The following DPY19L4 variants were observed in gnomAD, a reference collection of about 807,000 sequenced individuals.
DPY19L4 encodes probable C-mannosyltransferase DPY19L4.
A neutral mutation model predicts 102.8 loss-of-function variants in DPY19L4; 97 were observed. The ratio of observed to expected loss-of-function variants is 0.94; its 90% CI spans 0.80 to 1.12. DPY19L4 has a LOEUF of 1.12. Among genes scored for constraint, DPY19L4 ranks in the 50% most tolerant of loss-of-function variants. DPY19L4 has a pLI of 0.00. For synonymous variants in DPY19L4, 252 were observed against 283.1 expected (o/e 0.89, Z 1.10); for missense variants, 815 against 850.4 (o/e 0.96, Z 0.52).
chr8:94,719,909 C>G lies in DPY19L4; in HGVS notation c.-90C>G. On this transcript the variant is annotated 5_prime_UTR_variant, in exon 1 of 19. Transcript: ENST00000414645. ...TGGGGGCGCGGCGGCCAGGAGCGGG[C>G]CCCCGGAGGCCGAGGGGTTCGGCGA... 7.2e-7 allele frequency: 1 copy of G among 1,395,602 alleles called. No individual in the cohort carries two copies. Among genetic ancestry groups the G allele is most frequent in the Admixed American group, 3.1e-5 (1 of 31,798 alleles). 86.5% of individuals were successfully genotyped at this position (1,395,602 alleles called of 1,614,324 possible).
intron 6 of DPY19L4, among the ~76,000 whole-genome samples, chr8:94,750,539 G>A (rs958167626): frequency 6.6e-6 from 1 of 151,898 alleles, no homozygotes; most frequent in African/African-American, 2.4e-5. Flanking sequence ...ATGTGATCCT[G>A]TTTTTGCATA....
chr8:94,765,157 CACTT>C (rs766580962), intron 8 of DPY19L4, 22 bp from the exon 9 acceptor site: 4 of 1,360,080 alleles, frequency 2.9e-6, no homozygotes, highest in African/African-American at 2.9e-5. Context: ...AACTTATTCT[CACTT>C]ATTTTATTTT....
intron 3 of DPY19L4, 42 bp downstream of exon 3, chr8:94,734,796 AG>A: frequency 6.2e-7 from 1 of 1,611,354 alleles, no homozygotes; most frequent in South Asian, 1.1e-5. Flanking sequence ...TTATTTTCCC[AG>A]GGAACCAGAA....
intron 13 of DPY19L4, among the ~76,000 whole-genome samples, chr8:94,776,222 C>T (rs1250818829): frequency 2.0e-5 from 3 of 151,606 alleles, no homozygotes; most frequent in South Asian, 4.2e-4. Context: ...TTAATAGAGA[C>T]GGGGTTTCAC....
chr8:94,769,499 G>A (rs926990921), intron 12 of DPY19L4, among the ~76,000 whole-genome samples: 2 of 151,826 alleles, frequency 1.3e-5, no homozygotes, highest in African/African-American at 2.4e-5. Context: ...TTTACTTAAC[G>A]TAAGAATAAT....
In DPY19L4 at chr8:94,730,155, T is replaced by C. The variant is rs187013301; in HGVS notation, c.127+3714T>C. ...CTTTTTTATGTGCATTAAATATTAC[T>C]TAACTGTGTTCTATATTCTGATAGT... On this transcript the variant is annotated intron_variant, in intron 2 of 18. Coordinates refer to ENST00000414645, the MANE Select transcript of DPY19L4 (RefSeq NM_181787.3). 1.1e-4 allele frequency among the ~76,000 whole-genome samples: 16 copies of C among 152,260 alleles called. No homozygotes were observed. The East Asian group carries it at 2.9e-3, about 28-fold the overall frequency.
intron 6 of DPY19L4, among the ~76,000 whole-genome samples, chr8:94,751,597 T>C (rs1466291259): frequency 6.6e-6 from 1 of 151,362 alleles, no homozygotes; most frequent in African/African-American, 2.4e-5. Context: ...GTTCAAGCAC[T>C]TCCTGCCTCA....
intron 2 of DPY19L4, among the ~76,000 whole-genome samples, chr8:94,730,436 C>T (rs1810893906): frequency 6.6e-6 from 1 of 152,086 alleles, no homozygotes; most frequent in South Asian, 2.1e-4. Context: ...CCATCTTTGA[C>T]TCCTTACAAA....
intron 3 of DPY19L4, among the ~76,000 whole-genome samples, 166 bp from the exon 4 acceptor site, chr8:94,738,203 A>G (rs1811272570): frequency 6.6e-6 from 1 of 151,504 alleles, no homozygotes; most frequent in Admixed American, 6.6e-5. Context: ...CTGTAGTCCC[A>G]GCTACTCGGG....
At chr8:94,740,446 GGTTTTGTTTTT>G (rs1811392987) in intron 6 of DPY19L4, among the ~76,000 whole-genome samples, 2 of 151,596 alleles carry the variant, frequency 1.3e-5, no homozygotes, top group African/African-American at 4.8e-5. Context: ...GTTTTGTTTT[GGTTTTGTTTTT>G]GTTTTTCATT....
intron 11 of DPY19L4, among the ~76,000 whole-genome samples, chr8:94,767,649 C>G (rs993139664): frequency 1.3e-5 from 2 of 152,118 alleles, no homozygotes; most frequent in African/African-American, 4.8e-5. Flanking sequence ...CTGATTCATA[C>G]TGCTCAAAAG....
At chr8:94,745,700 TCAA>T (rs1042559297) in intron 6 of DPY19L4, among the ~76,000 whole-genome samples, 1 of 152,176 alleles carries the variant, frequency 6.6e-6, no homozygotes, top group Admixed American at 6.5e-5. Flanking sequence ...AGGAAGTAAT[TCAA>T]AAAGAAGGAA....
chr8:94,749,926 A>G (rs1432512122), intron 6 of DPY19L4, among the ~76,000 whole-genome samples: 4 of 152,202 alleles, frequency 2.6e-5, no homozygotes, highest in Non-Finnish European at 4.4e-5. Context: ...AATGAAATCA[A>G]TAATTACTAT....
At chr8:94,766,750 C>A in intron 11 of DPY19L4, 65 bp downstream of exon 11, 1 of 1,451,042 alleles carries the variant, frequency 6.9e-7, no homozygotes, top group Non-Finnish European at 9.5e-7. Flanking sequence ...ATAAAAAATA[C>A]TCGATGGCCG....
In DPY19L4 at chr8:94,792,150, A is replaced by C. The variant is rs1372516388; in HGVS notation, c.*2240A>C. ...AATTTATGGGTTTTGGGTGGAAGGA[A>C]TTTCTCAAAGAAATAAAAAATGTTC... On this transcript the variant is annotated 3_prime_UTR_variant, in exon 19 of 19. Transcript: ENST00000414645. 6.6e-6 allele frequency: 1 copy of C among 152,192 alleles called. No homozygotes were observed. Among genetic ancestry groups the C allele is most frequent in the African/African-American group, 2.4e-5 (1 of 41,446 alleles). The allele number at this position is 152,192 out of a possible 1,614,324, so 9.4% of individuals were successfully genotyped here. A position where few individuals can be genotyped will look rare whatever the true frequency, so the allele number is the denominator to read the frequency against.
chr8:94,773,534 G>A (rs951743929), intron 13 of DPY19L4, among the ~76,000 whole-genome samples: 1 of 151,008 alleles, frequency 6.6e-6, no homozygotes, highest in African/African-American at 2.4e-5. Context: ...CAGTTCAAGC[G>A]ATTCTCCTGC....
At chr8:94,730,745 C>CTTT (rs533095374) in intron 2 of DPY19L4, among the ~76,000 whole-genome samples, 1 of 116,204 alleles carries the variant, frequency 8.6e-6, no homozygotes, top group African/African-American at 3.4e-5. Flanking sequence ...AACTCTGTCT[C>CTTT]TTTTTTTTTT....
intron 1 of DPY19L4, among the ~76,000 whole-genome samples, chr8:94,720,867 G>A (rs1420653494): frequency 2.6e-5 from 4 of 152,076 alleles, no homozygotes; most frequent in African/African-American, 9.7e-5. Flanking sequence ...TTTGCATTCT[G>A]GTGGAAAACA....
At chr8:94,730,585 A>C (rs1810902678) in intron 2 of DPY19L4, among the ~76,000 whole-genome samples, 1 of 151,558 alleles carries the variant, frequency 6.6e-6, no homozygotes, top group Admixed American at 6.6e-5. Context: ...ATCTGTACTC[A>C]AAATACAAAA....
Sources: gnomAD v4.1 joint callset for allele counts (sites outside exome capture counted in the v4.1 genomes callset) on GRCh38, gnomAD v4.1.1 for gene constraint, MANE v1.5 for transcripts, NCBI Gene and HGNC (gene_info 2026-07-23, HGNC 2026-07-21) for gene names.